Variants in PM20D2 observed in about 807,000 individuals in gnomAD.
PM20D2 encodes xaa-Arg dipeptidase.
In PM20D2, 33 loss-of-function variants were observed where a neutral mutation model predicts 42.9. That is an observed-to-expected ratio of 0.77 (90% CI 0.58 to 1.03). The LOEUF (loss-of-function observed/expected upper bound fraction) is 1.03, where lower values mean the gene tolerates loss of function less well. PM20D2 is among the 50% of genes least tolerant of loss of function. The pLI is 0.00. For synonymous variants in PM20D2, 250 were observed against 228.2 expected (o/e 1.10, Z -0.86); for missense variants, 548 against 557.0 (o/e 0.98, Z 0.16).
At chr6:89,140,960 T>C in the PM20D2 span, among the ~76,000 whole-genome samples, 1 of 152,246 alleles carries the variant, frequency 6.6e-6, no homozygotes, top group Non-Finnish European at 1.5e-5. Context: ...CTTTTTGTTT[T>C]TCAGGGTTGT....
upstream of PM20D2, among the ~76,000 whole-genome samples, chr6:89,144,339 A>G (rs1770444888): frequency 1.3e-5 from 2 of 152,212 alleles, no homozygotes; most frequent in South Asian, 4.1e-4. Context: ...GAGGGCAAAC[A>G]TGGGTTCTAC....
intron 1 of PM20D2, among the ~76,000 whole-genome samples, chr6:89,147,198 T>A (rs1014895479): frequency 1.3e-5 from 2 of 152,174 alleles, no homozygotes; most frequent in African/African-American, 4.8e-5. Flanking sequence ...TAAGTCTTAA[T>A]TTTTTTGTTT....
upstream of PM20D2, chr6:89,146,011 G>A: frequency 1.4e-6 from 1 of 723,958 alleles, no homozygotes; most frequent in Middle Eastern, 4.3e-4. Flanking sequence ...ACTGGGGGTG[G>A]TGCCCTGGGA....
At chr6:89,103,644 G>C in the PM20D2 span, among the ~76,000 whole-genome samples, 32 of 150,860 alleles carry the variant, frequency 2.1e-4, no homozygotes. Flanking sequence ...ATTTTTAGTA[G>C]AGACAGGATT....
Position 89,162,294 on chromosome 6 carries a change from G to C in PM20D2, c.*31G>C. 1 of 1,567,084 alleles carries C rather than the reference G, an allele frequency of 6.4e-7. No individual in the cohort carries two copies. Among genetic ancestry groups the C allele is most frequent in the East Asian group, 2.3e-5 (1 of 44,378 alleles). The stretch of plus-strand genomic sequence containing the variant: ...TTAGGGGCCACTTATAAATCAAGAA[G>C]ACGTGATGATTTTTTTCTTTTAATC... On this transcript the variant is annotated 3_prime_UTR_variant, in exon 7 of 7. Transcript: ENST00000275072.
At chr6:89,095,848 C>T in the PM20D2 span, 1 of 152,176 alleles carries the variant, frequency 6.6e-6, no homozygotes, top group Admixed American at 6.5e-5. Context: ...TTTTCTTTGA[C>T]CCTAACTTAT....
At chr6:89,110,812 ATG>A in the PM20D2 span, among the ~76,000 whole-genome samples, 1 of 152,096 alleles carries the variant, frequency 6.6e-6, no homozygotes, top group Non-Finnish European at 1.5e-5. Flanking sequence ...TTCCAAAAAC[ATG>A]TGTTAGAATT....
At chr6:89,153,669 C>T (rs1770935224) in intron 3 of PM20D2, among the ~76,000 whole-genome samples, 1 of 152,166 alleles carries the variant, frequency 6.6e-6, no homozygotes, top group Non-Finnish European at 1.5e-5. Flanking sequence ...GCAATCTCGG[C>T]TCACTGCAAC....
the PM20D2 span, among the ~76,000 whole-genome samples, chr6:89,103,057 C>G: frequency 3.9e-5 from 6 of 152,144 alleles, no homozygotes; most frequent in Non-Finnish European, 7.3e-5. Context: ...AGCCACTGCA[C>G]CTGGCCATAA....
chr6:89,146,239 A>ACGAGG lies in PM20D2; in HGVS notation c.98_102dup (p.Ala35ArgfsTer9). Reference sequence around the variant, plus strand: ...AAGCTGCGCTCGGCGGAGTGCATCGACGAGGCGGCCGAGCGGCTGGGGGCC... The same window carrying ACGAGG: ...AAGCTGCGCTCGGCGGAGTGCATCGACGAGGCGAGGCGGCCGAGCGGCTGGGGGCC... On this transcript the variant is annotated frameshift_variant, in exon 1 of 7. Coordinates refer to ENST00000275072, the MANE Select transcript of PM20D2 (RefSeq NM_001010853.3). LOFTEE classifies it high-confidence loss of function. 2 of 1,580,724 alleles carry ACGAGG rather than the reference A, an allele frequency of 1.3e-6. No homozygotes were observed. The highest frequency in any genetic ancestry group is 1.7e-6 in the Non-Finnish European group (2 of 1,171,220).
At chr6:89,146,717 G>C (rs1261281975) in intron 1 of PM20D2, 108 bp downstream of exon 1, 2 of 939,508 alleles carry the variant, frequency 2.1e-6, no homozygotes, top group South Asian at 2.2e-5. Flanking sequence ...CCTCCCGCCC[G>C]GGGCAGGTGT....
the PM20D2 span, among the ~76,000 whole-genome samples, chr6:89,113,578 G>C: frequency 6.6e-6 from 1 of 152,206 alleles, no homozygotes; most frequent in Non-Finnish European, 1.5e-5. Context: ...CAAAGTGCTG[G>C]GATTATAGAT....
chr6:89,142,894 G>A (rs1018760256), upstream of PM20D2, among the ~76,000 whole-genome samples: 6 of 152,024 alleles, frequency 3.9e-5, no homozygotes, highest in Admixed American at 1.3e-4. Context: ...TCCTGACCTC[G>A]TGAACCACCC....
At chr6:89,110,779 A>G in the PM20D2 span, among the ~76,000 whole-genome samples, 1 of 152,150 alleles carries the variant, frequency 6.6e-6, no homozygotes, top group Non-Finnish European at 1.5e-5. Context: ...CATGTTCTTC[A>G]GAGTGGCCCA....
chr6:89,158,591 T>C, intron 5 of PM20D2, 131 bp downstream of exon 5: 1 of 1,011,304 alleles, frequency 9.9e-7, no homozygotes, highest in Non-Finnish European at 1.4e-6. Flanking sequence ...TCACAAACTT[T>C]ATGGTTAGGG....
chr6:89,145,065 T>C (rs148466157), upstream of PM20D2, among the ~76,000 whole-genome samples: 52 of 152,352 alleles, frequency 3.4e-4, no homozygotes, highest in Non-Finnish European at 2.4e-4. Flanking sequence ...CCATTTAACA[T>C]AGTTGAGACA....
chr6:89,112,095 C>T, the PM20D2 span, among the ~76,000 whole-genome samples: 1 of 151,400 alleles, frequency 6.6e-6, no homozygotes, highest in African/African-American at 2.4e-5. Flanking sequence ...GCAACCTCCT[C>T]CTCCCCGGTT....
chr6:89,164,870 T>A lies in PM20D2; in HGVS notation c.*2607T>A, dbSNP rs1458654797. On this transcript the variant is annotated 3_prime_UTR_variant, in exon 7 of 7. Transcript: ENST00000275072. ...ATTAACTTGGATTTATTTTTCAATA[T>A]AATTTGGAGACCCTTTGTTATCCAA... 6.7e-6 allele frequency: 1 copy of A among 149,832 alleles called. No homozygotes were observed. The highest frequency in any genetic ancestry group is 2.5e-5 in the African/African-American group (1 of 40,558). 9.3% of individuals were successfully genotyped at this position (149,832 alleles called of 1,614,324 possible).
the PM20D2 span, among the ~76,000 whole-genome samples, chr6:89,103,872 A>G: frequency 2.0e-5 from 3 of 152,186 alleles, no homozygotes; most frequent in South Asian, 6.2e-4. Context: ...TTACTATTTA[A>G]TATGTCTTCT....
Sources: gnomAD v4.1 joint callset for allele counts (sites outside exome capture counted in the v4.1 genomes callset) on GRCh38, gnomAD v4.1.1 for gene constraint, MANE v1.5 for transcripts, NCBI Gene and HGNC (gene_info 2026-07-23, HGNC 2026-07-21) for gene names.